The following LRP1B variants were observed in gnomAD, a reference collection of about 807,000 sequenced individuals.
LRP1B encodes the protein LDL receptor related protein 1B, also known as low-density lipoprotein receptor-related protein 1B.
LRP1B carries 217 observed loss-of-function variants against 556.6 expected under a neutral mutation model. The ratio of observed to expected loss-of-function variants is 0.39; its 90% CI spans 0.35 to 0.44. LRP1B has a LOEUF of 0.44. Ranked by LOEUF, LRP1B falls within the 20% of genes least tolerant of loss-of-function variation. The pLI is 1.00. For missense variants in LRP1B, 5,053 were observed against 5,620.8 expected, an observed-to-expected ratio of 0.90 and a Z score of 3.23; for synonymous variants, 2,047 against 1,865.8, an observed-to-expected ratio of 1.10 and a Z score of -2.50.
chr2:141,237,051 A>G (rs998104440), intron 5 of LRP1B, among the ~76,000 whole-genome samples: 6 of 152,226 alleles, frequency 3.9e-5, no homozygotes, highest in Non-Finnish European at 7.3e-5. Context: ...TTAATTTCTC[A>G]GAAACAAGGT....
At chr2:141,308,981 A>G (rs1311401233) in intron 3 of LRP1B, among the ~76,000 whole-genome samples, 1 of 152,218 alleles carries the variant, frequency 6.6e-6, no homozygotes, top group Non-Finnish European at 1.5e-5. Context: ...ATAAGGATTA[A>G]AAAGAGCAGG....
At chr2:141,922,172 T>G (rs1407336104) in intron 1 of LRP1B, among the ~76,000 whole-genome samples, 1 of 152,156 alleles carries the variant, frequency 6.6e-6, no homozygotes, top group Non-Finnish European at 1.5e-5. Flanking sequence ...TAAAAACATA[T>G]TAGGCATGCA....
At chr2:141,081,650 G>T (rs1366744221) in intron 7 of LRP1B, among the ~76,000 whole-genome samples, 2 of 152,084 alleles carry the variant, frequency 1.3e-5, no homozygotes, top group Non-Finnish European at 2.9e-5. Context: ...GGGAAAAATA[G>T]CTTGGTGAGT....
intron 7 of LRP1B, among the ~76,000 whole-genome samples, chr2:141,112,872 T>C (rs903008956): frequency 5.9e-5 from 9 of 152,342 alleles, no homozygotes; most frequent in African/African-American, 1.9e-4. Context: ...GCTGCATTTT[T>C]TTAAACCTAT....
intron 3 of LRP1B, among the ~76,000 whole-genome samples, chr2:141,386,542 T>C (rs1486520932): frequency 6.6e-6 from 1 of 151,774 alleles, no homozygotes; most frequent in Non-Finnish European, 1.5e-5. Context: ...TCCATGCAAA[T>C]AGCACCAAAA....
intron 2 of LRP1B, among the ~76,000 whole-genome samples, chr2:141,596,132 C>A (rs767285148): frequency 1.3e-5 from 2 of 151,812 alleles, no homozygotes; most frequent in Non-Finnish European, 2.9e-5. Context: ...TTTATATTTT[C>A]TAAATTTAGA....
intron 3 of LRP1B, among the ~76,000 whole-genome samples, chr2:141,334,863 AT>A (rs1256153614): frequency 6.6e-6 from 1 of 151,914 alleles, no homozygotes; most frequent in Non-Finnish European, 1.5e-5. Context: ...AGTACATAAT[AT>A]TTTTTTAAAA....
intron 1 of LRP1B, among the ~76,000 whole-genome samples, chr2:141,993,174 G>T (rs148625287): frequency 6.6e-6 from 1 of 152,158 alleles, no homozygotes; most frequent in Non-Finnish European, 1.5e-5. Context: ...GGTAGCAAGT[G>T]TTTAGAAAGG....
intron 35 of LRP1B, among the ~76,000 whole-genome samples, chr2:140,766,177 A>T (rs994903455): frequency 2.1e-5 from 3 of 145,580 alleles, no homozygotes; most frequent in African/African-American, 7.5e-5. Flanking sequence ...AAGAACCTAT[A>T]ATCAGGTGAA....
chr2:140,550,359 C>T (rs1004393619), intron 43 of LRP1B, among the ~76,000 whole-genome samples: 1 of 152,098 alleles, frequency 6.6e-6, no homozygotes, highest in African/African-American at 2.4e-5. Flanking sequence ...CGCTGGAGCA[C>T]TACAAAGTAC....
intron 1 of LRP1B, among the ~76,000 whole-genome samples, chr2:141,967,958 A>T (rs1465373199): frequency 6.6e-6 from 1 of 151,796 alleles, no homozygotes; most frequent in Non-Finnish European, 1.5e-5. Flanking sequence ...TAAATTTTTA[A>T]AAAAAGTATT....
chr2:140,888,930 T>C (rs1262195962), intron 23 of LRP1B, among the ~76,000 whole-genome samples: 2 of 133,946 alleles, frequency 1.5e-5, no homozygotes, highest in Non-Finnish European at 3.1e-5. Context: ...GCCACTGCAC[T>C]CCAGCCTGCG....
At chr2:140,891,583 T>C (rs185350836) in intron 23 of LRP1B, among the ~76,000 whole-genome samples, 4 of 152,296 alleles carry the variant, frequency 2.6e-5, no homozygotes, top group South Asian at 2.1e-4. Flanking sequence ...TTTTACACAG[T>C]AGCAACTTAT....
Position 140,903,024 on chromosome 2 carries a change from T to C in LRP1B, c.3662A>G (p.His1221Arg), listed in dbSNP as rs763127123. Residue 1221 changes from histidine (H) to arginine (R), a missense_variant, in exon 23 of 91, where the codon CAT becomes CGT. Coordinates refer to ENST00000389484, the MANE Select transcript of LRP1B (RefSeq NM_018557.3). ...CTCACATACTTGGCTGCACTTTAGATGATTGCTACAATAATCCACAATTTC... is the reference window on the plus strand; with the variant it reads ...CTCACATACTTGGCTGCACTTTAGACGATTGCTACAATAATCCACAATTTC... The part of the protein sequence containing the change: ...TCEIVDYCSN[H>R]LKCSQVCEQH... The C allele has an allele frequency of 6.2e-7, 1 of 1,613,796 alleles. No homozygotes were observed. Among genetic ancestry groups the C allele is most frequent in the Non-Finnish European group, 8.5e-7 (1 of 1,179,790 alleles).
intron 1 of LRP1B, among the ~76,000 whole-genome samples, chr2:141,921,598 T>G (rs1416348987): frequency 6.6e-6 from 1 of 152,036 alleles, no homozygotes; most frequent in African/African-American, 2.4e-5. Flanking sequence ...CAATGAATTA[T>G]TTTTATAAAT....
intron 2 of LRP1B, among the ~76,000 whole-genome samples, chr2:141,636,926 C>T (rs1006169103): frequency 1.3e-5 from 2 of 151,996 alleles, no homozygotes; most frequent in South Asian, 2.1e-4. Context: ...TAGAAGGATG[C>T]CTGGAAAAAT....
intron 3 of LRP1B, among the ~76,000 whole-genome samples, chr2:141,393,715 G>T (rs1024567315): frequency 2.0e-5 from 3 of 151,954 alleles, no homozygotes; most frequent in African/African-American, 7.2e-5. Flanking sequence ...TGGAAGACAA[G>T]TTGTACAGAA....
intron 7 of LRP1B, among the ~76,000 whole-genome samples, chr2:141,119,157 T>C (rs1441988488): frequency 6.6e-6 from 1 of 151,908 alleles, no homozygotes; most frequent in Admixed American, 6.6e-5. Flanking sequence ...TTTGAGATAA[T>C]ATAGACGCCC....
intron 43 of LRP1B, among the ~76,000 whole-genome samples, chr2:140,591,153 G>A (rs1050323926): frequency 6.6e-6 from 1 of 152,128 alleles, no homozygotes; most frequent in Admixed American, 6.6e-5. Flanking sequence ...CTAATAGTCT[G>A]AATATTGAAT....
Sources: allele counts gnomAD v4.1 joint callset (sites outside exome capture counted in the v4.1 genomes callset), GRCh38; gene constraint gnomAD v4.1.1; transcripts MANE v1.5; gene names NCBI Gene and HGNC (gene_info 2026-07-23, HGNC 2026-07-21).